POLD3: variants seen among roughly 807,000 people sequenced by gnomAD.
POLD3 encodes the protein DNA polymerase delta 3, accessory subunit.
POLD3 carries 19 observed loss-of-function variants against 58.2 expected under a neutral mutation model. That is an observed-to-expected ratio of 0.33 (90% CI 0.23 to 0.48). POLD3 has a LOEUF of 0.48. Ranked by LOEUF, POLD3 falls within the 20% of genes least tolerant of loss-of-function variation. The pLI is 0.99. For missense variants in POLD3, 504 were observed against 545.5 expected, an observed-to-expected ratio of 0.92 and a Z score of 0.76; for synonymous variants, 172 against 193.5, an observed-to-expected ratio of 0.89 and a Z score of 0.92.
intron 7 of POLD3, among the ~76,000 whole-genome samples, chr11:74,623,688 G>A (rs1018239670): frequency 1.3e-5 from 2 of 152,102 alleles, no homozygotes; most frequent in African/African-American, 4.8e-5. Context: ...AAAATTTAAA[G>A]GTCATAATTG....
At chr11:74,644,631 T>G (rs2032977756), downstream of POLD3, among the ~76,000 whole-genome samples, 1 of 152,228 alleles carries the variant, frequency 6.6e-6, no homozygotes. Context: ...TTGGTAAGGC[T>G]TCTGATCCAA....
At chr11:74,665,799 T>C (rs9795065) in intron 4 of POLD3, among the ~76,000 whole-genome samples, 2,100 of 152,294 alleles carry the variant, frequency 0.014, 29 homozygotes, top group South Asian at 0.061. Context: ...GCTAACATCA[T>C]ACTTAATGGT....
chr11:74,668,665 G>A (rs1238976031), intron 4 of POLD3: 8 of 667,050 alleles, frequency 1.2e-5, no homozygotes, highest in Admixed American at 2.4e-5. Flanking sequence ...AGGGGTGGGT[G>A]GGAACATTAA....
At chr11:74,604,828 G>A (rs2031621082) in intron 3 of POLD3, 34 bp downstream of exon 3, 2 of 1,110,760 alleles carry the variant, frequency 1.8e-6, no homozygotes. Context: ...GAGCTTAAAT[G>A]TGTTTGTGTT....
At chr11:74,618,187 AT>A (rs2032137775) in intron 5 of POLD3, among the ~76,000 whole-genome samples, 1 of 151,836 alleles carries the variant, frequency 6.6e-6, no homozygotes, top group South Asian at 2.1e-4. Flanking sequence ...ATCTTTTATT[AT>A]TGTTGGTTGC....
At chr11:74,619,071 A>G (rs559912807) in intron 6 of POLD3, among the ~76,000 whole-genome samples, 3 of 152,378 alleles carry the variant, frequency 2.0e-5, no homozygotes, top group African/African-American at 2.4e-5. Flanking sequence ...TGTGAAACCC[A>G]GATGAAAACA....
intron 3 of POLD3, among the ~76,000 whole-genome samples, chr11:74,606,086 T>C (rs1054597132): frequency 5.3e-5 from 8 of 152,134 alleles, no homozygotes; most frequent in African/African-American, 1.9e-4. Flanking sequence ...AACTGGAACG[T>C]CAATTTAGTA....
chr11:74,658,350 T>G (rs2033163338), intron 4 of POLD3, among the ~76,000 whole-genome samples: 1 of 152,152 alleles, frequency 6.6e-6, no homozygotes, highest in Non-Finnish European at 1.5e-5. Context: ...TTCTGGGAGA[T>G]AAAATTCAAG....
chr11:74,648,943 A>G (rs2033034461), intron 4 of POLD3, among the ~76,000 whole-genome samples: 1 of 152,128 alleles, frequency 6.6e-6, no homozygotes, highest in South Asian at 2.1e-4. Context: ...CCCCTTGGAA[A>G]CTCAGGAGAG....
At chr11:74,651,280 T>G (rs2033065647) in intron 4 of POLD3, among the ~76,000 whole-genome samples, 1 of 152,224 alleles carries the variant, frequency 6.6e-6, no homozygotes, top group Non-Finnish European at 1.5e-5. Flanking sequence ...GGCCATGTGA[T>G]CCTGGGAAAG....
rs1292356093 is a variant in POLD3 at position 74,641,033 on chromosome 11, A to G, written c.*267A>G. 4 of 1,100,882 alleles carry G rather than the reference A, an allele frequency of 3.6e-6. No individual in the cohort carries two copies. Among genetic ancestry groups the G allele is most frequent in the Non-Finnish European group, 4.4e-6 (4 of 905,308 alleles). 68.2% of individuals were successfully genotyped at this position (1,100,882 alleles called of 1,614,324 possible). A position where few individuals can be genotyped will look rare whatever the true frequency, so the allele number is the denominator to read the frequency against. On this transcript the variant is annotated 3_prime_UTR_variant, in exon 12 of 12. Coordinates refer to ENST00000263681, the MANE Select transcript of POLD3 (RefSeq NM_006591.3). ...CAGGAGAAGGATTTACTCCAAAATT[A>G]TACTGGAACAGTTTTCAGAATTCTC...
At chr11:74,665,757 T>C (rs1195201220) in intron 4 of POLD3, among the ~76,000 whole-genome samples, 1 of 152,158 alleles carries the variant, frequency 6.6e-6, no homozygotes, top group Non-Finnish European at 1.5e-5. Context: ...AAACTTCCTC[T>C]ACCTCATAAA....
intron 4 of POLD3, among the ~76,000 whole-genome samples, chr11:74,657,044 T>C (rs1045762171): frequency 6.6e-6 from 1 of 152,202 alleles, no homozygotes; most frequent in East Asian, 1.9e-4. Context: ...TGACCTTCCT[T>C]GTCTCTTACA....
intron 3 of POLD3, 88 bp downstream of exon 3, chr11:74,604,882 A>G: frequency 1.4e-6 from 1 of 730,048 alleles, no homozygotes; most frequent in South Asian, 1.7e-5. Context: ...AAAAAAATCA[A>G]GATTCTGTGT....
downstream of POLD3, among the ~76,000 whole-genome samples, chr11:74,645,803 A>G (rs77957166): frequency 0.027 from 4,146 of 152,294 alleles, 177 homozygotes; most frequent in African/African-American, 0.096. Flanking sequence ...AAAGGGGTTA[A>G]GTAACCTGCC....
intron 2 of POLD3, 38 bp downstream of exon 2, chr11:74,594,154 A>G: frequency 7.9e-7 from 1 of 1,271,972 alleles, no homozygotes; most frequent in South Asian, 1.2e-5. Context: ...TCATATTGGA[A>G]TTTTTTTTTG....
intron 5 of POLD3, among the ~76,000 whole-genome samples, chr11:74,617,558 C>T (rs563515156): frequency 1.4e-3 from 219 of 152,232 alleles, no homozygotes; most frequent in African/African-American, 4.6e-3. Flanking sequence ...CGTGCCACCA[C>T]GCCCAGCTAA....
At chr11:74,645,940 G>GT (rs779871745), downstream of POLD3, among the ~76,000 whole-genome samples, 1,587 of 142,042 alleles carry the variant, frequency 0.011, 23 homozygotes, top group African/African-American at 0.03. Context: ...GATGATTGAT[G>GT]TTTTTTTTTT....
At chr11:74,649,619 A>G (rs1484068064) in intron 4 of POLD3, among the ~76,000 whole-genome samples, 4 of 151,406 alleles carry the variant, frequency 2.6e-5, no homozygotes, top group African/African-American at 9.7e-5. Context: ...CCTGCATGAA[A>G]CCCCCCACTC....
Sources: allele counts gnomAD v4.1 joint callset (sites outside exome capture counted in the v4.1 genomes callset), GRCh38; gene constraint gnomAD v4.1.1; transcripts MANE v1.5; gene names NCBI Gene and HGNC (gene_info 2026-07-23, HGNC 2026-07-21).